Variants in CDK6 observed in about 807,000 individuals in gnomAD.
CDK6 encodes the protein cyclin dependent kinase 6.
In CDK6, 6 loss-of-function variants were observed where a neutral mutation model predicts 37.1. The ratio of observed to expected loss-of-function variants is 0.16; its 90% CI spans 0.09 to 0.32. The LOEUF (loss-of-function observed/expected upper bound fraction) is 0.32. Ranked by LOEUF, CDK6 falls within the 10% of genes least tolerant of loss-of-function variation. CDK6 has a pLI of 1.00. For missense variants in CDK6, 224 were observed against 418.9 expected, an observed-to-expected ratio of 0.53 and a Z score of 4.06; for synonymous variants, 160 against 161.3, an observed-to-expected ratio of 0.99 and a Z score of 0.06.
At chr7:92,665,369 G>A (rs942054785) in intron 5 of CDK6, among the ~76,000 whole-genome samples, 2 of 151,636 alleles carry the variant, frequency 1.3e-5, no homozygotes, top group African/African-American at 2.4e-5. Flanking sequence ...TTTTTTTTTA[G>A]TATTAAAATA....
intron 3 of CDK6, among the ~76,000 whole-genome samples, chr7:92,752,543 C>A (rs1380113598): frequency 6.6e-6 from 1 of 152,200 alleles, no homozygotes; most frequent in Non-Finnish European, 1.5e-5. Context: ...CAGTAATTAT[C>A]ATTTTAATGC....
At chr7:92,821,869 G>A (rs913385707) in intron 2 of CDK6, among the ~76,000 whole-genome samples, 6 of 152,018 alleles carry the variant, frequency 3.9e-5, no homozygotes, top group Non-Finnish European at 7.4e-5. Flanking sequence ...AATGGGACAA[G>A]GTTCATAATG....
Position 92,672,184 on chromosome 7 carries a change from G to GACACACACACACACAC in CDK6, c.538-650_538-649insGTGTGTGTGTGTGTGT, listed in dbSNP as rs1175195840. 1.3e-3 allele frequency among the ~76,000 whole-genome samples: 56 copies of GACACACACACACACAC among 44,126 alleles called. 4 individuals carry two copies. The highest frequency in any genetic ancestry group is 1.4e-3 in the Non-Finnish European group (39 of 27,256). 28.9% of individuals were successfully genotyped at this position (44,126 alleles called of 152,430 possible). Reference sequence around the variant, plus strand: ...ATACACATACACACACACACACACAGACACATACACACACACACACACACA... The same window carrying GACACACACACACACAC: ...ATACACATACACACACACACACACAGACACACACACACACACACACATACACACACACACACACACA... On this transcript the variant is annotated intron_variant, in intron 4 of 7. Transcript: ENST00000424848.
intron 2 of CDK6, among the ~76,000 whole-genome samples, chr7:92,798,332 T>C (rs1393010629): frequency 6.6e-6 from 1 of 152,236 alleles, no homozygotes; most frequent in Non-Finnish European, 1.5e-5. Flanking sequence ...GAATAATGTT[T>C]AATAATTCAT....
chr7:92,654,575 C>T (rs552281319), intron 5 of CDK6, among the ~76,000 whole-genome samples: 2 of 152,130 alleles, frequency 1.3e-5, no homozygotes, highest in African/African-American at 4.8e-5. Context: ...ATATCCCATT[C>T]TTCTCACCTC....
At chr7:92,793,135 T>C (rs749736207) in intron 2 of CDK6, among the ~76,000 whole-genome samples, 11 of 152,080 alleles carry the variant, frequency 7.2e-5, no homozygotes, top group African/African-American at 2.4e-4. Flanking sequence ...TCCGTATTCA[T>C]GGATCAGGAA....
At chr7:92,800,337 T>C (rs934063785) in intron 2 of CDK6, among the ~76,000 whole-genome samples, 1 of 152,214 alleles carries the variant, frequency 6.6e-6, no homozygotes, top group African/African-American at 2.4e-5. Context: ...TCGTCTGCCA[T>C]ACGTGATGTC....
chr7:92,701,484 C>T (rs1480356519), intron 4 of CDK6, among the ~76,000 whole-genome samples: 1 of 151,896 alleles, frequency 6.6e-6, no homozygotes, highest in Non-Finnish European at 1.5e-5. Flanking sequence ...CCACTCACTG[C>T]AAGCTCCGCC....
At chr7:92,654,586 C>T (rs1341182160) in intron 5 of CDK6, among the ~76,000 whole-genome samples, 1 of 152,108 alleles carries the variant, frequency 6.6e-6, no homozygotes, top group Non-Finnish European at 1.5e-5. Flanking sequence ...TTCTCACCTC[C>T]AGACCCCTAG....
intron 2 of CDK6, among the ~76,000 whole-genome samples, chr7:92,798,540 A>G (rs1800478726): frequency 6.6e-6 from 1 of 152,230 alleles, no homozygotes; most frequent in Non-Finnish European, 1.5e-5. Context: ...TCTGCTATAT[A>G]AGAGAGTTCT....
chr7:92,780,196 T>C (rs1034368310), intron 2 of CDK6, among the ~76,000 whole-genome samples: 4 of 152,110 alleles, frequency 2.6e-5, no homozygotes, highest in African/African-American at 4.8e-5. Flanking sequence ...GGCCTCGAAC[T>C]CCTGACCTCA....
intron 2 of CDK6, among the ~76,000 whole-genome samples, chr7:92,825,521 T>C (rs1286260281): frequency 1.3e-5 from 2 of 152,012 alleles, no homozygotes; most frequent in East Asian, 3.9e-4. Flanking sequence ...TGGAATGAAT[T>C]CAAACTGGAA....
chr7:92,642,334 G>A (rs1162827681), intron 5 of CDK6, among the ~76,000 whole-genome samples: 3 of 152,140 alleles, frequency 2.0e-5, no homozygotes, highest in East Asian at 3.9e-4. Flanking sequence ...GATATAGGGG[G>A]AGAGATATAA....
rs1307162857 is a variant in CDK6 at position 92,833,314 on chromosome 7, CCTT to C, written c.7_9del (p.Lys3del). On this transcript the variant is annotated inframe_deletion, in exon 2 of 8. Coordinates refer to ENST00000424848, the MANE Select transcript of CDK6 (RefSeq NM_001145306.2). This position sits in a 1 kb window ranked among gnomAD's most constrained non-coding sequence, Gnocchi z 6.1. ...TGCTGGTCAGCGCGGCACAGGCCGT[CCTT>C]CTCCATGCCGCCTGGACGCCGCCCG... 2.5e-6 allele frequency: 4 copies of C among 1,591,460 alleles called. No homozygotes were observed. The highest frequency in any genetic ancestry group is 3.4e-6 in the Non-Finnish European group (4 of 1,171,772).
At chr7:92,745,315 C>T (rs1799032340) in intron 3 of CDK6, among the ~76,000 whole-genome samples, 1 of 152,186 alleles carries the variant, frequency 6.6e-6, no homozygotes, top group Non-Finnish European at 1.5e-5. Flanking sequence ...TGCTCTTTCA[C>T]ATCCTTTTCT....
chr7:92,617,704 C>T (rs1489160511), intron 7 of CDK6, among the ~76,000 whole-genome samples: 6 of 152,012 alleles, frequency 3.9e-5, no homozygotes, highest in East Asian at 1.9e-4. Flanking sequence ...AGAAAAGGCA[C>T]GTTAAAATGA....
At chr7:92,816,296 T>C (rs1445199874) in intron 2 of CDK6, among the ~76,000 whole-genome samples, 1 of 152,032 alleles carries the variant, frequency 6.6e-6, no homozygotes, top group Non-Finnish European at 1.5e-5. Context: ...TAAACTATTA[T>C]AAACACTACA....
At chr7:92,737,349 G>A (rs1798812302) in intron 3 of CDK6, among the ~76,000 whole-genome samples, 1 of 152,080 alleles carries the variant, frequency 6.6e-6, no homozygotes, top group Non-Finnish European at 1.5e-5. Flanking sequence ...ATGTTATGTG[G>A]TCTGTTCTTA....
chr7:92,636,908 G>A (rs1796186009), intron 5 of CDK6, among the ~76,000 whole-genome samples: 1 of 152,108 alleles, frequency 6.6e-6, no homozygotes, highest in Non-Finnish European at 1.5e-5. Context: ...CAGGTGATCT[G>A]CCCACCTCGG....
Sources: gnomAD v4.1 joint callset for allele counts (sites outside exome capture counted in the v4.1 genomes callset) on GRCh38, gnomAD v4.1.1 for gene constraint, Gnocchi (gnomAD v3.1) non-coding constraint, MANE v1.5 for transcripts, NCBI Gene and HGNC (gene_info 2026-07-23, HGNC 2026-07-21) for gene names.